The following SLC25A53 variants were observed in gnomAD, a reference collection of about 807,000 sequenced individuals.
SLC25A53 encodes solute carrier family 25 member 53, also known as mitochondrial carrier triple repeat protein 6.
In SLC25A53, 5 loss-of-function variants were observed where a neutral mutation model predicts 15.0. That is an observed-to-expected ratio of 0.33 (90% CI 0.17 to 0.70). The LOEUF is 0.70. Ranked by LOEUF, SLC25A53 falls within the 30% of genes least tolerant of loss-of-function variation. The pLI is 0.67. For synonymous variants in SLC25A53, 95 were observed against 100.0 expected (o/e 0.95, Z 0.30); for missense variants, 216 against 241.6 (o/e 0.89, Z 0.70).
chrX:104,114,707 A>G (rs1556360615), intron 1 of SLC25A53: 6 of 1,212,016 alleles, frequency 5.0e-6, no homozygotes, highest in Non-Finnish European at 6.7e-6. Context: ...CTCAGGATGT[A>G]TGCAAATAAG....
Position 104,132,840 on chromosome X carries a change from T to C in SLC25A53, c.-32+24038A>G, listed in dbSNP as rs5963024. ...CAGAGTTCAGAGTTTCCACAGCAGC[T>C]GAAAACTGTGGGGATAAAATCTTGG... On this transcript the variant is annotated intron_variant, in intron 1 of 1. Transcript: ENST00000594199. Among the ~76,000 whole-genome samples, 769 of 111,804 alleles carry C rather than the reference T, an allele frequency of 6.9e-3. 9 individuals are homozygous for C. The highest frequency in any genetic ancestry group is 0.024 in the African/African-American group (742 of 30,732).
chrX:104,111,152 T>C (rs182463245), intron 1 of SLC25A53, among the ~76,000 whole-genome samples: 76 of 112,539 alleles, frequency 6.8e-4, no homozygotes, highest in African/African-American at 1.8e-3. Context: ...AAGTGGTTCA[T>C]GAATCTCTCT....
rs566213177 is a variant in SLC25A53 at position 104,144,572 on chromosome X, G to T, written c.-32+12306C>A. Among the ~76,000 whole-genome samples the T allele has an allele frequency of 4.3e-4, 48 of 111,719 alleles. No homozygotes were observed. The South Asian group carries it at 0.018, about 42-fold the overall frequency. ...TCGCTGGGAGCTGCAGACCAGAGCT[G>T]TTCCTATTCGGCCATCTTGCTGGAA... On this transcript the variant is annotated intron_variant, in intron 1 of 1. Coordinates refer to ENST00000594199, the MANE Select transcript of SLC25A53 (RefSeq NM_001012755.5).
At chrX:104,141,086 A>G (rs2075449618) in intron 1 of SLC25A53, among the ~76,000 whole-genome samples, 1 of 112,133 alleles carries the variant, frequency 8.9e-6, no homozygotes, top group Non-Finnish European at 1.9e-5. Flanking sequence ...ATTGGCAAAA[A>G]TTGTTAAAAT....
intron 1 of SLC25A53, among the ~76,000 whole-genome samples, chrX:104,147,859 T>G (rs2075472974): frequency 9.1e-6 from 1 of 110,140 alleles, no homozygotes; most frequent in East Asian, 2.9e-4. Context: ...GGTGGGACTG[T>G]AAACTAGTTC....
intron 1 of SLC25A53, among the ~76,000 whole-genome samples, chrX:104,124,681 G>A (rs1196614376): frequency 1.8e-5 from 2 of 109,649 alleles, no homozygotes; most frequent in Non-Finnish European, 3.8e-5. Flanking sequence ...TTGAGCCCAG[G>A]AAGTTGAGGC....
At chrX:104,106,066 G>C (rs370457510) in intron 1 of SLC25A53, among the ~76,000 whole-genome samples, 6 of 111,752 alleles carry the variant, frequency 5.4e-5, no homozygotes, top group African/African-American at 2.0e-4. Flanking sequence ...TCGGCTCACT[G>C]CGTGCCAGTA....
chrX:104,114,889 G>A, intron 1 of SLC25A53: 1 of 1,204,567 alleles, frequency 8.3e-7, no homozygotes. Context: ...CAGCAGTGCT[G>A]ACTGTAACTG....
At chrX:104,110,133 T>A (rs1329503982) in intron 1 of SLC25A53, among the ~76,000 whole-genome samples, 2 of 111,936 alleles carry the variant, frequency 1.8e-5, no homozygotes, top group Middle Eastern at 9.2e-3. Context: ...CTATTCTTGG[T>A]CCTATGTGAT....
At chrX:104,113,603 G>C (rs1446017602) in intron 1 of SLC25A53, 1 of 112,509 alleles carries the variant, frequency 8.9e-6, no homozygotes, top group East Asian at 2.8e-4. Context: ...CGGGGGAAAC[G>C]TTGACAAGGG....
intron 1 of SLC25A53, among the ~76,000 whole-genome samples, chrX:104,137,231 C>A (rs1353525551): frequency 9.0e-6 from 1 of 111,368 alleles, no homozygotes; most frequent in African/African-American, 3.3e-5. Flanking sequence ...ACTACTGTAA[C>A]CCCCGCCTCA....
intron 1 of SLC25A53, among the ~76,000 whole-genome samples, chrX:104,135,339 T>C (rs1267881960): frequency 9.1e-6 from 1 of 109,427 alleles, no homozygotes; most frequent in Non-Finnish European, 1.9e-5. Flanking sequence ...TCCTGAGTTT[T>C]GGTTTCACAC....
chrX:104,147,321 T>G (rs1245524429), intron 1 of SLC25A53, among the ~76,000 whole-genome samples: 11 of 111,071 alleles, frequency 9.9e-5, no homozygotes, highest in Non-Finnish European at 1.7e-4. Context: ...ATTAAAGACT[T>G]AAACGTTAGA....
In SLC25A53 at chrX:104,115,331, G is replaced by C. The variant is rs782331522; in HGVS notation, c.-31-10043C>G. On this transcript the variant is annotated intron_variant, in intron 1 of 1. Transcript: ENST00000594199. ...GCTTCTGAGCCACAGTAAGGATCTA[G>C]TCCAGCCCTAAATGAGTCCTTGACT... 9 of 1,146,539 alleles carry C rather than the reference G, an allele frequency of 7.8e-6. No homozygotes were observed. The Admixed American group carries it at 8.3e-5, about 11-fold the overall frequency. The allele number at this position is 1,146,539 out of a possible 1,213,427, so 94.5% of individuals were successfully genotyped here. A position where few individuals can be genotyped will look rare whatever the true frequency, so the allele number is the denominator to read the frequency against.
At chrX:104,123,075 T>C (rs1020406497) in intron 1 of SLC25A53, among the ~76,000 whole-genome samples, 4 of 112,302 alleles carry the variant, frequency 3.6e-5, no homozygotes, top group Admixed American at 9.4e-5. Flanking sequence ...CTGTAACTAC[T>C]GTGCCATAGA....
rs1174246944 is a variant in SLC25A53 at position 104,102,283 on chromosome X, A to AT, written c.*2050dup. 7.5e-4 allele frequency: 84 copies of AT among 112,263 alleles called. 6 individuals are homozygous for AT. Among genetic ancestry groups the AT allele is most frequent in the African/African-American group, 6.5e-5 (2 of 30,864 alleles). 9.3% of individuals were successfully genotyped at this position (112,263 alleles called of 1,213,427 possible). A position where few individuals can be genotyped will look rare whatever the true frequency, so the allele number is the denominator to read the frequency against. On this transcript the variant is annotated 3_prime_UTR_variant, in exon 2 of 2. Transcript: ENST00000594199. ...GATGCAAGAGGAGGGCATTACTAAG[A>AT]TATCTGTAGGGGGAAACTATAACAC...
At chrX:104,114,265 G>C (rs1245115932) in intron 1 of SLC25A53, 2 of 1,208,312 alleles carry the variant, frequency 1.7e-6, no homozygotes, top group African/African-American at 3.5e-5. Context: ...CTCAGGAAGA[G>C]TGGTGCCAGC....
intron 1 of SLC25A53, among the ~76,000 whole-genome samples, chrX:104,152,840 T>C (rs1314356623): frequency 2.7e-5 from 3 of 112,420 alleles, no homozygotes; most frequent in Non-Finnish European, 5.6e-5. Flanking sequence ...ATGGACTTTT[T>C]GGTTGTCTTT....
chrX:104,144,439 G>T (rs2075459919), intron 1 of SLC25A53, among the ~76,000 whole-genome samples: 1 of 111,022 alleles, frequency 9.0e-6, no homozygotes, highest in Non-Finnish European at 1.9e-5. Context: ...AAAAAGCAGG[G>T]GTTGCAATCC....
Sources: gnomAD v4.1 joint callset for allele counts (sites outside exome capture counted in the v4.1 genomes callset) on GRCh38, gnomAD v4.1.1 for gene constraint, MANE v1.5 for transcripts, NCBI Gene and HGNC (gene_info 2026-07-23, HGNC 2026-07-21) for gene names.